Variants in PPP1R12A observed in about 807,000 individuals in gnomAD.
The protein encoded by PPP1R12A is protein phosphatase 1 regulatory subunit 12A.
PPP1R12A carries 19 observed loss-of-function variants against 139.6 expected under a neutral mutation model. That is an observed-to-expected ratio of 0.14 (90% confidence interval 0.09 to 0.20). The LOEUF is 0.20. PPP1R12A is among the 10% of genes least tolerant of loss of function. The probability of loss-of-function intolerance (pLI) is 1.00; values close to 1 mark genes in which losing one functional copy is unlikely to be tolerated. For synonymous variants in PPP1R12A, 427 were observed against 420.6 expected, an observed-to-expected ratio of 1.02 and a Z score of -0.19; for missense variants, 925 against 1,211.5, an observed-to-expected ratio of 0.76 and a Z score of 3.51.
chr12:79,806,131 A>G (rs201501380), intron 13 of PPP1R12A, 35 bp downstream of exon 13: 2 of 1,605,740 alleles, frequency 1.2e-6, no homozygotes, highest in Admixed American at 1.7e-5. Context: ...ATAAGCACAC[A>G]GTAGACCTGA....
intron 8 of PPP1R12A, chr12:79,819,162 T>C (rs1875776068): frequency 6.6e-6 from 1 of 152,204 alleles, no homozygotes; most frequent in Admixed American, 6.5e-5. Flanking sequence ...AATTAGTACG[T>C]TTCAATTCCA....
chr12:79,876,829 G>A (rs1292768689), intron 1 of PPP1R12A, among the ~76,000 whole-genome samples: 1 of 152,068 alleles, frequency 6.6e-6, no homozygotes, highest in East Asian at 1.9e-4. Context: ...GGGAAACATG[G>A]TGAAACCCTG....
chr12:79,831,555 T>G (rs898845570), intron 4 of PPP1R12A, among the ~76,000 whole-genome samples: 3 of 152,204 alleles, frequency 2.0e-5, no homozygotes, highest in African/African-American at 7.2e-5. Context: ...CATATATTCT[T>G]TACTGCTTTT....
intron 2 of PPP1R12A, among the ~76,000 whole-genome samples, chr12:79,852,347 C>G (rs778383948): frequency 6.6e-6 from 1 of 151,884 alleles, no homozygotes; most frequent in Admixed American, 6.6e-5. Flanking sequence ...TGTGCCATCA[C>G]GCCTGGCTAA....
chr12:79,832,744 ATTC>A (rs1284828453), intron 3 of PPP1R12A: 17 of 314,490 alleles, frequency 5.4e-5, no homozygotes, highest in Non-Finnish European at 9.1e-5. Flanking sequence ...CTTTCTGATT[ATTC>A]TTCTTGTTTT....
intron 1 of PPP1R12A, among the ~76,000 whole-genome samples, chr12:79,881,988 C>T (rs115564016): frequency 0.019 from 2,890 of 152,234 alleles, 96 homozygotes; most frequent in African/African-American, 0.067. Context: ...TTTAAGCCCA[C>T]TATTGAGACC....
chr12:79,782,544 G>A, intron 22 of PPP1R12A: 2 of 454,478 alleles, frequency 4.4e-6, no homozygotes, highest in South Asian at 1.6e-5. Flanking sequence ...TTTAAGGGAT[G>A]GAAAAGCACC....
intron 5 of PPP1R12A, among the ~76,000 whole-genome samples, chr12:79,825,914 G>T (rs879381366): frequency 1.1e-4 from 17 of 151,354 alleles, no homozygotes; most frequent in Admixed American, 2.6e-4. Flanking sequence ...AAAAATCAAG[G>T]TCTTAAAATA....
intron 1 of PPP1R12A, among the ~76,000 whole-genome samples, chr12:79,879,768 C>G (rs1255086661): frequency 6.6e-6 from 1 of 151,680 alleles, no homozygotes; most frequent in African/African-American, 2.4e-5. Flanking sequence ...CTATCTTTGT[C>G]GGGGTGATTT....
intron 1 of PPP1R12A, among the ~76,000 whole-genome samples, chr12:79,901,815 G>C (rs1471938111): frequency 1.3e-5 from 2 of 152,028 alleles, no homozygotes; most frequent in African/African-American, 4.8e-5. Context: ...AGGCATGAAA[G>C]AACAGGGCGC....
chr12:79,887,508 A>T (rs1166423506), intron 1 of PPP1R12A, among the ~76,000 whole-genome samples: 1 of 152,198 alleles, frequency 6.6e-6, no homozygotes, highest in Non-Finnish European at 1.5e-5. Flanking sequence ...GAAATAAAGG[A>T]AAACTCAATA....
intron 5 of PPP1R12A, chr12:79,825,048 A>G (rs1876598696): frequency 6.6e-6 from 1 of 152,160 alleles, no homozygotes; most frequent in African/African-American, 2.4e-5. Flanking sequence ...TATCAGAATG[A>G]TTCTCACTGT....
intron 2 of PPP1R12A, among the ~76,000 whole-genome samples, chr12:79,865,553 T>C (rs1881866778): frequency 6.6e-6 from 1 of 152,204 alleles, no homozygotes; most frequent in South Asian, 2.1e-4. Flanking sequence ...ATGATAAGAT[T>C]GTATATTTAC....
At chr12:79,925,153 T>C (rs1887736472) in intron 1 of PPP1R12A, among the ~76,000 whole-genome samples, 1 of 152,178 alleles carries the variant, frequency 6.6e-6, no homozygotes, top group South Asian at 2.1e-4. Flanking sequence ...CATGCAAGAA[T>C]ATAAATATTC....
In PPP1R12A at chr12:79,793,844, A is replaced by G; in HGVS notation, c.2649+19T>C. The G allele has an allele frequency of 6.5e-7, 1 of 1,535,850 alleles. No homozygotes were observed. ...AAAAAATATGAATACTTCTCAATAC[A>G]AAAAGTAATGGTATTTACCTGAGTT... On this transcript the variant is annotated intron_variant, in intron 19 of 24. Transcript: ENST00000450142.
Position 79,899,233 on chromosome 12 carries a change from AATATATATATATATAT to A in PPP1R12A, c.238-26311_238-26296del, listed in dbSNP as rs58319454. ...TACAATGAAATGCAGAGATCTTAAA[AATATATATATATATAT>A]ATATATATATATATATATATATATA... is the stretch of plus-strand genomic sequence containing the variant. On this transcript the variant is annotated intron_variant, in intron 1 of 24. Transcript: ENST00000450142. Among the ~76,000 whole-genome samples, 269 of 141,924 alleles carry A rather than the reference AATATATATATATATAT, an allele frequency of 1.9e-3. 1 individual carries two copies. Among genetic ancestry groups the A allele is most frequent in the East Asian group, 0.017 (74 of 4,332 alleles). The allele number at this position is 141,924 out of a possible 152,430, so 93.1% of individuals were successfully genotyped here. A position where few individuals can be genotyped will look rare whatever the true frequency, so the allele number is the denominator to read the frequency against.
intron 3 of PPP1R12A, among the ~76,000 whole-genome samples, chr12:79,844,127 G>A (rs373287963): frequency 6.6e-6 from 1 of 151,926 alleles, no homozygotes; most frequent in South Asian, 2.1e-4. Context: ...TAAATGTGAG[G>A]AGTGGTGTAA....
rs569376617 is a variant in PPP1R12A at position 79,867,937 on chromosome 12, G to A, written c.368+4871C>T. On this transcript the variant is annotated intron_variant, in intron 2 of 24. Coordinates refer to ENST00000450142, the MANE Select transcript of PPP1R12A (RefSeq NM_002480.3). ...AGTTTCCTGAGGCCTCCCCAGCCCT[G>A]TGGAACTGTGAGTCAATTAAATCTT... Among the ~76,000 whole-genome samples, 8 of 152,268 alleles carry A rather than the reference G, an allele frequency of 5.3e-5. No individual in the cohort carries two copies. The East Asian group carries it at 1.5e-3, about 29-fold the overall frequency.
chr12:79,840,032 G>T (rs986425322), intron 3 of PPP1R12A, among the ~76,000 whole-genome samples: 2 of 151,772 alleles, frequency 1.3e-5, no homozygotes, highest in African/African-American at 4.8e-5. Flanking sequence ...TGAACATCAT[G>T]AAGTATTTTC....
Sources: allele counts gnomAD v4.1 joint callset (sites outside exome capture counted in the v4.1 genomes callset), GRCh38; gene constraint gnomAD v4.1.1; transcripts MANE v1.5; gene names NCBI Gene and HGNC (gene_info 2026-07-23, HGNC 2026-07-21).